Variants in MICAL2 observed in about 807,000 individuals in gnomAD.
MICAL2 encodes [F-actin]-monooxygenase MICAL2.
Under a neutral mutation model 127.3 loss-of-function variants are expected in MICAL2, and 77 were observed. That is an observed-to-expected ratio of 0.60 (90% CI 0.50 to 0.73). The LOEUF is 0.73. Ranked by LOEUF, MICAL2 falls within the 30% of genes least tolerant of loss-of-function variation. The pLI is 0.00. For missense variants in MICAL2, 1,351 were observed against 1,434.4 expected (o/e 0.94, Z 0.94); for synonymous variants, 570 against 551.1 (o/e 1.03, Z -0.48).
intron 3 of MICAL2, among the ~76,000 whole-genome samples, chr11:12,173,808 GGTTT>G (rs1250678046): frequency 1.3e-5 from 2 of 151,974 alleles, no homozygotes; most frequent in Admixed American, 1.3e-4. Flanking sequence ...TTTTGTGTTT[GGTTT>G]ATTTCACTTA....
At chr11:12,301,863 A>G (rs1167709751) in intron 29 of MICAL2, among the ~76,000 whole-genome samples, 1 of 152,240 alleles carries the variant, frequency 6.6e-6, no homozygotes, top group Non-Finnish European at 1.5e-5. Flanking sequence ...GGAATGGCTT[A>G]TCAGGTCCTT....
chr11:12,292,347 G>A, downstream of MICAL2: 2 of 1,590,462 alleles, frequency 1.3e-6, no homozygotes, highest in Non-Finnish European at 1.7e-6. Context: ...TAACCTACCT[G>A]TACTCTTCCC....
At chr11:12,292,397 T>C, downstream of MICAL2, 1 of 1,337,808 alleles carries the variant, frequency 7.5e-7, no homozygotes, top group Non-Finnish European at 1.1e-6. Flanking sequence ...TGCTCATAGG[T>C]CAACCTAAGT....
At chr11:12,227,237 G>C in intron 15 of MICAL2, 106 bp downstream of exon 15, 1 of 782,278 alleles carries the variant, frequency 1.3e-6, no homozygotes, top group East Asian at 2.7e-5. Context: ...AAGTTACATG[G>C]ATCAGGCGCT....
chr11:12,205,876 G>T (rs764908197), intron 4 of MICAL2, among the ~76,000 whole-genome samples: 1 of 152,232 alleles, frequency 6.6e-6, no homozygotes, highest in Admixed American at 6.5e-5. Flanking sequence ...TTCTCTGTAG[G>T]GGTAGGTGGG....
intron 2 of MICAL2, among the ~76,000 whole-genome samples, chr11:12,145,384 A>G (rs531672234): frequency 6.6e-6 from 1 of 152,300 alleles, no homozygotes; most frequent in African/African-American, 2.4e-5. Flanking sequence ...AATCCACATC[A>G]CCTCAAGATG....
rs1233633438 is a variant in MICAL2, at chr11:12,162,298, A to G, written c.143A>G (p.Asn48Ser). Residue 48 changes from asparagine to serine, a missense_variant, in exon 3 of 28, where the codon AAC becomes AGC. Physicochemically the swap from Asn to Ser is conservative, Grantham distance 46. Coordinates refer to ENST00000683283, the MANE Select transcript of MICAL2 (RefSeq NM_001282663.2). ...GACCTAGACCCTCTGGACCACAGAA[A>G]CTTTTATTCCAAGCTCAAGTCCAAG... ...HLDLDPLDHRNFYSKLKSKVT... is the reference protein window; with the variant it reads ...HLDLDPLDHRSFYSKLKSKVT... 1 of 1,614,206 alleles carries G rather than the reference A, an allele frequency of 6.2e-7. No individual in the cohort carries two copies. The highest frequency in any genetic ancestry group is 8.5e-7 in the Non-Finnish European group (1 of 1,180,038).
intron 21 of MICAL2, among the ~76,000 whole-genome samples, chr11:12,248,738 C>G (rs1861115548): frequency 4.1e-5 from 1 of 24,414 alleles, no homozygotes; most frequent in South Asian, 1.4e-3. Context: ...CTGGGGCATC[C>G]CGCCTTTGTT....
chr11:12,273,332 C>G (rs1299530017), upstream of MICAL2, among the ~76,000 whole-genome samples: 1 of 152,194 alleles, frequency 6.6e-6, no homozygotes, highest in Admixed American at 6.5e-5. Context: ...TAAAAGTAAG[C>G]TGCTACTGCT....
intron 19 of MICAL2, 48 bp from the exon 20 acceptor site, chr11:12,242,623 C>A: frequency 6.4e-7 from 1 of 1,562,792 alleles, no homozygotes; most frequent in South Asian, 1.1e-5. Context: ...CTGTCTCAGT[C>A]TCTGTCACTA....
At chr11:12,357,541 A>T (rs1251102394) in intron 34 of MICAL2, among the ~76,000 whole-genome samples, 1 of 152,176 alleles carries the variant, frequency 6.6e-6, no homozygotes, top group Non-Finnish European at 1.5e-5. Context: ...CATTAACTAC[A>T]CATGAAAAAG....
At chr11:12,241,478 C>T (rs1440672481) in intron 18 of MICAL2, among the ~76,000 whole-genome samples, 1 of 152,158 alleles carries the variant, frequency 6.6e-6, no homozygotes, top group African/African-American at 2.4e-5. Flanking sequence ...TATCTGCAGA[C>T]CATTCAAATA....
intron 26 of MICAL2, 172 bp from the exon 27 acceptor site, chr11:12,262,308 C>T: frequency 6.9e-7 from 1 of 1,454,032 alleles, no homozygotes; most frequent in Non-Finnish European, 9.0e-7. Flanking sequence ...CAGAAAGGTT[C>T]ATCTCTCCTA....
At chr11:12,199,824 C>T (rs757697202) in intron 3 of MICAL2, among the ~76,000 whole-genome samples, 3 of 152,164 alleles carry the variant, frequency 2.0e-5, no homozygotes, top group Non-Finnish European at 2.9e-5. Context: ...TGAACACCGC[C>T]GAGCTTATCT....
At chr11:12,126,325 G>A (rs1399398395) in intron 1 of MICAL2, among the ~76,000 whole-genome samples, 1 of 152,202 alleles carries the variant, frequency 6.6e-6, no homozygotes, top group Non-Finnish European at 1.5e-5. Context: ...GGTTTGCCTG[G>A]AAGAAGTATG....
chr11:12,245,360 A>G (rs1860589579), intron 21 of MICAL2, among the ~76,000 whole-genome samples: 1 of 152,204 alleles, frequency 6.6e-6, no homozygotes, highest in African/African-American at 2.4e-5. Flanking sequence ...TGCACAAACC[A>G]GCTCCATGCT....
chr11:12,115,061 C>T (rs1335349921), intron 1 of MICAL2, among the ~76,000 whole-genome samples: 1 of 152,220 alleles, frequency 6.6e-6, no homozygotes, highest in Non-Finnish European at 1.5e-5. Context: ...GCTGCTTCTC[C>T]TGTGCCTTCC....
At chr11:12,219,896 G>T (rs1229711720) in intron 8 of MICAL2, among the ~76,000 whole-genome samples, 1 of 152,162 alleles carries the variant, frequency 6.6e-6, no homozygotes, top group Admixed American at 6.5e-5. Flanking sequence ...GGGAAAAATT[G>T]CCTCCCCTGA....
At chr11:12,280,741 G>A (rs1264405451) in intron 1 of MICAL2, among the ~76,000 whole-genome samples, 4 of 152,214 alleles carry the variant, frequency 2.6e-5, no homozygotes, top group Non-Finnish European at 5.9e-5. Context: ...TTGGGGTTAG[G>A]ACTTCAGCAT....
Sources: gnomAD v4.1 joint callset for allele counts (sites outside exome capture counted in the v4.1 genomes callset) on GRCh38, gnomAD v4.1.1 for gene constraint, MANE v1.5 for transcripts, NCBI Gene and HGNC (gene_info 2026-07-23, HGNC 2026-07-21) for gene names.